SH3RF2: variants seen among roughly 807,000 people sequenced by gnomAD.
SH3RF2 encodes the protein E3 ubiquitin-protein ligase SH3RF2.
SH3RF2 carries 43 observed loss-of-function variants against 59.0 expected under a neutral mutation model. The ratio of observed to expected loss-of-function variants is 0.73; its 90% CI spans 0.57 to 0.94. SH3RF2 has a LOEUF of 0.94. SH3RF2 is among the 40% of genes least tolerant of loss of function. The pLI is 0.00. For synonymous variants in SH3RF2, 391 were observed against 391.5 expected (o/e 1.00, Z 0.01); for missense variants, 930 against 940.1 (o/e 0.99, Z 0.14).
At chr5:146,057,920 C>T (rs1053390394) in intron 8 of SH3RF2, among the ~76,000 whole-genome samples, 1 of 148,722 alleles carries the variant, frequency 6.7e-6, no homozygotes. Flanking sequence ...CCAGTCTGGG[C>T]TGTTAGTGTC....
At chr5:145,970,701 T>C (rs1488220286) in intron 2 of SH3RF2, among the ~76,000 whole-genome samples, 6 of 152,212 alleles carry the variant, frequency 3.9e-5, no homozygotes, top group African/African-American at 1.4e-4. Flanking sequence ...CAGCCTGTAG[T>C]ATTCTGTTAT....
chr5:146,014,839 GAC>G (rs1400936477), intron 5 of SH3RF2, among the ~76,000 whole-genome samples: 2 of 152,220 alleles, frequency 1.3e-5, no homozygotes, highest in Non-Finnish European at 2.9e-5. Flanking sequence ...GCCAACTGAA[GAC>G]GCGTAGGGGT....
At chr5:145,952,831 T>C (rs572580699) in intron 2 of SH3RF2, among the ~76,000 whole-genome samples, 3 of 152,256 alleles carry the variant, frequency 2.0e-5, no homozygotes, top group Admixed American at 2.0e-4. Context: ...GGCCAGCTAC[T>C]GCAGTGGGCA....
At chr5:146,001,031 GAC>G (rs1012426328) in intron 3 of SH3RF2, among the ~76,000 whole-genome samples, 1 of 152,152 alleles carries the variant, frequency 6.6e-6, no homozygotes, top group African/African-American at 2.4e-5. Flanking sequence ...AAACACTCCA[GAC>G]ACACACAATA....
chr5:145,999,584 T>C (rs1333386001), intron 2 of SH3RF2, among the ~76,000 whole-genome samples: 1 of 152,148 alleles, frequency 6.6e-6, no homozygotes, highest in Non-Finnish European at 1.5e-5. Context: ...GGGTCATTAA[T>C]TGGCCTCATT....
intron 9 of SH3RF2, among the ~76,000 whole-genome samples, chr5:146,074,127 C>T (rs1380987019): frequency 6.7e-6 from 1 of 150,032 alleles, no homozygotes; most frequent in Non-Finnish European, 1.5e-5. Flanking sequence ...GCAAGCTCCG[C>T]CTCCCGGGTT....
chr5:145,988,976 T>C (rs563929509), intron 2 of SH3RF2, among the ~76,000 whole-genome samples: 2 of 152,314 alleles, frequency 1.3e-5, no homozygotes, highest in East Asian at 3.9e-4. Context: ...AGTGGCTTCG[T>C]TGGTTAAGCA....
At chr5:145,976,265 T>C (rs935588672) in intron 2 of SH3RF2, among the ~76,000 whole-genome samples, 19 of 152,108 alleles carry the variant, frequency 1.2e-4, no homozygotes, top group African/African-American at 4.3e-4. Flanking sequence ...TTAGTTCACC[T>C]CCCTGAGCTT....
rs148025911 is a variant in SH3RF2 at position 146,054,304 on chromosome 5, A to T, written c.1323-1677A>T. 9.9e-4 allele frequency among the ~76,000 whole-genome samples: 151 copies of T among 152,276 alleles called. 1 individual carries two copies. The highest frequency in any genetic ancestry group is 3.3e-3 in the African/African-American group (138 of 41,556). ...ACCTTGGTCTATAAAGAGTCATTCA[A>T]AAAGGGGACTGATGGAATAAGGCTG... On this transcript the variant is annotated intron_variant, in intron 7 of 9. Coordinates refer to ENST00000359120, the MANE Select transcript of SH3RF2 (RefSeq NM_152550.4).
Position 145,978,073 on chromosome 5 carries a change from T to G in SH3RF2, c.379-21985T>G, listed in dbSNP as rs534404154. ...TTTATTGAGATTCTTACACACTAAT[T>G]CTGTGCTCTGGAACATAGGGCCAGA... On this transcript the variant is annotated intron_variant, in intron 2 of 9. Transcript: ENST00000359120. Among the ~76,000 whole-genome samples the G allele has an allele frequency of 8.4e-4, 128 of 152,350 alleles. 1 individual carries two copies. The highest frequency in any genetic ancestry group is 9.6e-4 in the Non-Finnish European group (65 of 68,036).
At chr5:146,000,534 A>G (rs2400207) in intron 3 of SH3RF2, among the ~76,000 whole-genome samples, 85,627 of 152,054 alleles carry the variant, frequency 0.56, 24,763 homozygotes, top group South Asian at 0.79. Context: ...TGTGTGTACA[A>G]TTCAAACTAC....
At chr5:145,939,860 G>A (rs556189825) in intron 2 of SH3RF2, among the ~76,000 whole-genome samples, 48 of 152,170 alleles carry the variant, frequency 3.2e-4, no homozygotes, top group Non-Finnish European at 6.0e-4. Flanking sequence ...TTTCAGCGGA[G>A]TATCATCACT....
chr5:146,004,901 T>A (rs915410543), intron 4 of SH3RF2, among the ~76,000 whole-genome samples: 1 of 152,222 alleles, frequency 6.6e-6, no homozygotes, highest in South Asian at 2.1e-4. Context: ...TTAAAAGTGG[T>A]TCAGAAGGTA....
rs371869103 is a variant in SH3RF2, at chr5:146,000,142, C to T, written c.463C>T (p.Arg155Trp). 115 of 1,613,812 alleles carry T rather than the reference C, an allele frequency of 7.1e-5. 1 individual carries two copies. Among genetic ancestry groups the T allele is most frequent in the Middle Eastern group, 3.3e-4 (2 of 6,060 alleles). The change falls in exon 3 of 10, where the codon CGG (arginine) becomes TGG (tryptophan). Residue 155 changes from arginine (R) to tryptophan (W), a missense_variant. Arg to Trp is a moderately radical substitution (Grantham distance 101). Coordinates refer to ENST00000359120, the MANE Select transcript of SH3RF2 (RefSeq NM_152550.4). ...RFNKGDIILL[R>W]RQLDENWYQG... ...TAATAAGGGAGATATCATCCTTCTC[C>T]GGAGACAGCTTGATGAGAATTGGTA...
At chr5:146,020,607 A>G (rs1761283655) in intron 5 of SH3RF2, among the ~76,000 whole-genome samples, 1 of 152,166 alleles carries the variant, frequency 6.6e-6, no homozygotes, top group Non-Finnish European at 1.5e-5. Context: ...CACATTGTTT[A>G]TACTTGTGTT....
At chr5:145,944,413 C>G (rs1172940333) in intron 2 of SH3RF2, among the ~76,000 whole-genome samples, 2 of 151,304 alleles carry the variant, frequency 1.3e-5, no homozygotes, top group African/African-American at 2.4e-5. Flanking sequence ...GTGCAGTGGC[C>G]CAATTATAGC....
chr5:145,950,578 AGAG>A (rs915551820), intron 2 of SH3RF2, among the ~76,000 whole-genome samples: 2 of 152,190 alleles, frequency 1.3e-5, no homozygotes, highest in African/African-American at 4.8e-5. Flanking sequence ...AGAGGGAGCT[AGAG>A]AAGAAAAAAG....
intron 2 of SH3RF2, among the ~76,000 whole-genome samples, chr5:145,964,280 C>T: frequency 8.5e-6 from 1 of 117,264 alleles, no homozygotes; most frequent in African/African-American, 3.5e-5. Context: ...CTTTTCCTTC[C>T]TTCCTTCCTT....
rs552447058 is a variant in SH3RF2, at chr5:145,958,745, T to C, written c.378+20439T>C. ...CCTGACTCTCGGTCCATGCACTTCATATTTCACCAAACTGCTTTGCTTCTT... is the reference window on the plus strand; with the variant it reads ...CCTGACTCTCGGTCCATGCACTTCACATTTCACCAAACTGCTTTGCTTCTT... On this transcript the variant is annotated intron_variant, in intron 2 of 9. Transcript: ENST00000359120. Among the ~76,000 whole-genome samples the C allele has an allele frequency of 9.2e-5, 14 of 152,292 alleles. No individual in the cohort carries two copies. In the South Asian group the frequency reaches 2.3e-3, roughly 25 times the overall value.
Sources: gnomAD v4.1 joint callset for allele counts (sites outside exome capture counted in the v4.1 genomes callset) on GRCh38, gnomAD v4.1.1 for gene constraint, MANE v1.5 for transcripts, NCBI Gene and HGNC (gene_info 2026-07-23, HGNC 2026-07-21) for gene names.